Variants in GFOD1 observed in about 807,000 individuals in gnomAD.
GFOD1 encodes Gfo/Idh/MocA-like oxidoreductase domain containing 1.
Under a neutral mutation model 25.4 loss-of-function variants are expected in GFOD1, and 9 were observed. That is an observed-to-expected ratio of 0.35 (90% CI 0.21 to 0.62). The LOEUF is 0.62. Ranked by LOEUF, GFOD1 falls within the 20% of genes least tolerant of loss-of-function variation. GFOD1 has a pLI of 0.72. For missense variants in GFOD1, 403 were observed against 556.9 expected (o/e 0.72, Z 2.78); for synonymous variants, 253 against 245.6 (o/e 1.03, Z -0.28).
chr6:13,360,493 C>T lies in GFOD1; in HGVS notation c.*4250G>A, dbSNP rs45550634. On this transcript the variant is annotated 3_prime_UTR_variant, in exon 2 of 2. Transcript: ENST00000379287. ...CTCCCTGAGAAAGGACATTTTCCTACGTTATATTCAGACCCCCAAGAGCAA... is the reference window on the plus strand; with the variant it reads ...CTCCCTGAGAAAGGACATTTTCCTATGTTATATTCAGACCCCCAAGAGCAA... 1.3e-3 allele frequency: 465 copies of T among 345,018 alleles called. 1 individual carries two copies. The highest frequency in any genetic ancestry group is 2.2e-3 in the Non-Finnish European group (380 of 173,664). The allele number at this position is 345,018 out of a possible 1,614,324, so 21.4% of individuals were successfully genotyped here.
chr6:13,474,393 ATAAAAT>A (rs1163382762), intron 1 of GFOD1, among the ~76,000 whole-genome samples: 2 of 152,178 alleles, frequency 1.3e-5, no homozygotes, highest in African/African-American at 2.4e-5. Flanking sequence ...AAAAAATAAA[ATAAAAT>A]AAAAATAAAA....
In GFOD1 at chr6:13,438,017, G is replaced by A. The variant is rs1054075695; in HGVS notation, c.253+48621C>T. On this transcript the variant is annotated intron_variant, in intron 1 of 1. Coordinates refer to ENST00000379287, the MANE Select transcript of GFOD1 (RefSeq NM_018988.4). ...ACAAACTATGTGGTTAGCATTCAGT[G>A]CACACTTTTTAACATGTTATTTCAT... Among the ~76,000 whole-genome samples the A allele has an allele frequency of 2.6e-4, 40 of 152,160 alleles. 1 individual carries two copies. The highest frequency in any genetic ancestry group is 9.4e-4 in the African/African-American group (39 of 41,452).
At chr6:13,394,123 T>C (rs1785678521) in intron 1 of GFOD1, among the ~76,000 whole-genome samples, 2 of 152,176 alleles carry the variant, frequency 1.3e-5, no homozygotes, top group South Asian at 4.1e-4. Context: ...GCAAGCTAGC[T>C]AACTGATAAA....
Position 13,403,108 on chromosome 6 carries a change from G to GT in GFOD1, c.254-37447_254-37446insA, listed in dbSNP as rs1188137957. Among the ~76,000 whole-genome samples the GT allele has an allele frequency of 2.0e-3, 297 of 147,176 alleles. 3 individuals are homozygous for GT. The highest frequency in any genetic ancestry group is 6.3e-3 in the African/African-American group (252 of 40,188). ...TGTTTTGTTGTGTGTGTGTGTGTGT[G>GT]GTTTTTTTTTTTTTTTTGGTATTTT... On this transcript the variant is annotated intron_variant, in intron 1 of 1. Coordinates refer to ENST00000379287, the MANE Select transcript of GFOD1 (RefSeq NM_018988.4).
intron 1 of GFOD1, among the ~76,000 whole-genome samples, chr6:13,419,344 G>T (rs1372413387): frequency 1.3e-5 from 2 of 152,194 alleles, no homozygotes; most frequent in Non-Finnish European, 2.9e-5. Flanking sequence ...AAAGGCCACA[G>T]ATTTCCTCCC....
chr6:13,369,890 A>C (rs75155408), intron 1 of GFOD1, among the ~76,000 whole-genome samples: 1 of 151,666 alleles, frequency 6.6e-6, no homozygotes, highest in African/African-American at 2.4e-5. Flanking sequence ...AAAAAGAAAA[A>C]CCCTAGGAGG....
At chr6:13,394,920 A>G (rs1451498437) in intron 1 of GFOD1, among the ~76,000 whole-genome samples, 1 of 152,152 alleles carries the variant, frequency 6.6e-6, no homozygotes, top group Non-Finnish European at 1.5e-5. Flanking sequence ...GGCGTGAGCC[A>G]CCATGCCCGG....
At position 13,469,685 on chromosome 6, in the gene GFOD1, A is replaced by T. The variant is rs188730527; in HGVS notation, c.253+16953T>A. 1,852 of 1,174,004 alleles carry T rather than the reference A, an allele frequency of 1.6e-3. 4 individuals are homozygous for T. Among genetic ancestry groups the T allele is most frequent in the Middle Eastern group, 5.7e-3 (15 of 2,632 alleles). 72.7% of individuals were successfully genotyped at this position (1,174,004 alleles called of 1,614,324 possible). A position where few individuals can be genotyped will look rare whatever the true frequency, so the allele number is the denominator to read the frequency against. On this transcript the variant is annotated intron_variant, in intron 1 of 1. Coordinates refer to ENST00000379287, the MANE Select transcript of GFOD1 (RefSeq NM_018988.4). ...AAGACCTACAGTTATCTTACTACCA[A>T]GAAAGAAAAGCCCTTTTAGACATAT...
intron 1 of GFOD1, among the ~76,000 whole-genome samples, chr6:13,480,354 T>G (rs1464870650): frequency 6.6e-6 from 1 of 152,164 alleles, no homozygotes; most frequent in African/African-American, 2.4e-5. Flanking sequence ...GCAACAGGTA[T>G]TTTAGCACGG....
At chr6:13,404,156 C>T (rs1307728634) in intron 1 of GFOD1, among the ~76,000 whole-genome samples, 1 of 152,164 alleles carries the variant, frequency 6.6e-6, no homozygotes, top group Non-Finnish European at 1.5e-5. Context: ...TTTTAATGCA[C>T]ATAGAAAATT....
chr6:13,431,604 TA>T (rs1385126725), intron 1 of GFOD1, among the ~76,000 whole-genome samples: 1 of 152,190 alleles, frequency 6.6e-6, no homozygotes, highest in Non-Finnish European at 1.5e-5. Flanking sequence ...CTTTTCTAAC[TA>T]AAAAACTGCA....
chr6:13,391,286 T>C (rs1584622928), intron 1 of GFOD1, among the ~76,000 whole-genome samples: 1 of 152,076 alleles, frequency 6.6e-6, no homozygotes, highest in South Asian at 2.1e-4. Context: ...ATTTAAGAAA[T>C]TGGCCATTTG....
chr6:13,485,997 C>T, intron 1 of GFOD1: 1 of 984,046 alleles, frequency 1.0e-6, no homozygotes, highest in Non-Finnish European at 1.2e-6. Flanking sequence ...TCCAACCACT[C>T]CCACCGTCCT....
chr6:13,408,221 GC>G (rs1040666040), intron 1 of GFOD1: 2 of 382,862 alleles, frequency 5.2e-6, no homozygotes, highest in African/African-American at 4.4e-5. Context: ...ACTATGGCAG[GC>G]AAAGGTTAAT....
At chr6:13,459,558 G>C (rs978385789) in intron 1 of GFOD1, among the ~76,000 whole-genome samples, 10 of 152,010 alleles carry the variant, frequency 6.6e-5, no homozygotes, top group African/African-American at 2.4e-4. Flanking sequence ...ACTATCATCA[G>C]AGCAAACAGA....
chr6:13,432,158 C>G (rs1388465540), intron 1 of GFOD1, among the ~76,000 whole-genome samples: 1 of 152,014 alleles, frequency 6.6e-6, no homozygotes, highest in Admixed American at 6.6e-5. Context: ...CATTCAGAAA[C>G]AGAAGACAGC....
At chr6:13,480,701 G>A (rs1199881853) in intron 1 of GFOD1, among the ~76,000 whole-genome samples, 1 of 152,130 alleles carries the variant, frequency 6.6e-6, no homozygotes, top group East Asian at 1.9e-4. Flanking sequence ...TGCCCAGGCT[G>A]ATCTCGAAGT....
intron 1 of GFOD1, among the ~76,000 whole-genome samples, chr6:13,418,082 C>A (rs1422484289): frequency 6.6e-6 from 1 of 152,222 alleles, no homozygotes; most frequent in Non-Finnish European, 1.5e-5. Context: ...AATGTGTTAA[C>A]TTGCAGGTAA....
intron 1 of GFOD1, among the ~76,000 whole-genome samples, chr6:13,398,660 T>C (rs1785784257): frequency 6.6e-6 from 1 of 152,168 alleles, no homozygotes; most frequent in South Asian, 2.1e-4. Context: ...GGAGGTAATT[T>C]AGGATCCCAG....
Sources: allele counts gnomAD v4.1 joint callset (sites outside exome capture counted in the v4.1 genomes callset), GRCh38; gene constraint gnomAD v4.1.1; transcripts MANE v1.5; gene names NCBI Gene and HGNC (gene_info 2026-07-23, HGNC 2026-07-21).